Variants in SH3PXD2A observed in about 807,000 individuals in gnomAD.
SH3PXD2A encodes SH3 and PX domain-containing protein 2A.
In SH3PXD2A, 32 loss-of-function variants were observed where a neutral mutation model predicts 115.2. The observed-to-expected ratio is 0.28, with a 90% CI of 0.21 to 0.37. The LOEUF (loss-of-function observed/expected upper bound fraction) is 0.37, where lower values mean the gene tolerates loss of function less well. Among genes scored for constraint, SH3PXD2A ranks in the 10% least tolerant of loss-of-function variants. The pLI, the probability that SH3PXD2A is intolerant of heterozygous loss-of-function variation, is 1.00. For missense variants in SH3PXD2A, 1,328 were observed against 1,498.7 expected (o/e 0.89, Z 1.88); for synonymous variants, 610 against 629.1 (o/e 0.97, Z 0.45).
intron 1 of SH3PXD2A, among the ~76,000 whole-genome samples, chr10:103,845,543 T>C (rs1842839577): frequency 1.3e-5 from 2 of 152,094 alleles, no homozygotes; most frequent in Non-Finnish European, 2.9e-5. Flanking sequence ...AGAGGAAGCA[T>C]GAATAATACA....
At chr10:103,651,068 G>A (rs999956078) in intron 8 of SH3PXD2A, among the ~76,000 whole-genome samples, 9 of 152,198 alleles carry the variant, frequency 5.9e-5, no homozygotes, top group African/African-American at 1.7e-4. Context: ...GTAGGGGTGC[G>A]GAAGGAGAGA....
chr10:103,719,098 T>C (rs1385791547), intron 5 of SH3PXD2A, among the ~76,000 whole-genome samples: 1 of 152,226 alleles, frequency 6.6e-6, no homozygotes, highest in Non-Finnish European at 1.5e-5. Context: ...TCATAAGAAC[T>C]GTGAGAATTT....
At chr10:103,631,422 C>T (rs774202872) in intron 8 of SH3PXD2A, among the ~76,000 whole-genome samples, 8 of 152,122 alleles carry the variant, frequency 5.3e-5, no homozygotes, top group South Asian at 2.1e-4. Context: ...GTAATATTTT[C>T]GGACCACGGT....
chr10:103,839,665 C>T (rs188212491), intron 1 of SH3PXD2A, among the ~76,000 whole-genome samples: 173 of 151,970 alleles, frequency 1.1e-3, no homozygotes, highest in African/African-American at 4.0e-3. Flanking sequence ...AGTGGCAAGG[C>T]TGGGATTCCC....
intron 5 of SH3PXD2A, among the ~76,000 whole-genome samples, chr10:103,716,286 C>T (rs898844509): frequency 3.9e-5 from 6 of 152,186 alleles, no homozygotes; most frequent in African/African-American, 9.7e-5. Flanking sequence ...GGCAGGGACA[C>T]TGGGGGTGGA....
intron 8 of SH3PXD2A, among the ~76,000 whole-genome samples, chr10:103,644,210 T>C (rs999693178): frequency 6.6e-6 from 1 of 150,604 alleles, no homozygotes; most frequent in African/African-American, 2.4e-5. Context: ...CTGTTTCCTT[T>C]GAAAAATGGA....
At chr10:103,659,557 A>G (rs2037260973) in intron 8 of SH3PXD2A, among the ~76,000 whole-genome samples, 3 of 152,228 alleles carry the variant, frequency 2.0e-5, no homozygotes, top group Admixed American at 2.0e-4. Context: ...TGGCACCATG[A>G]GCATGACAAA....
At chr10:103,625,684 G>C (rs2036680489) in intron 9 of SH3PXD2A, among the ~76,000 whole-genome samples, 1 of 152,190 alleles carries the variant, frequency 6.6e-6, no homozygotes, top group Non-Finnish European at 1.5e-5. Flanking sequence ...TTGGGGCCAG[G>C]AGTTCAAGAC....
In SH3PXD2A at chr10:103,603,095, G is replaced by A. The variant is rs368378897; in HGVS notation, c.2123C>T (p.Ser708Phe). The A allele has an allele frequency of 1.9e-6, 3 of 1,613,100 alleles. No homozygotes were observed. Among genetic ancestry groups the A allele is most frequent in the East Asian group, 2.2e-5 (1 of 44,894 alleles). ...GCCACTGGTTTTGGACAAGGAAGAG[G>A]AGGAGGAGGAAGAGGAGGAGCAGCA... Reference protein sequence around the residue: ...TTCCSSSSSSSSSLSKTSGDL... With the variant: ...TTCCSSSSSSFSSLSKTSGDL... Residue 708 changes from serine (S) to phenylalanine (F), a missense_variant, in exon 15 of 15, where the codon TCC becomes TTC. Physicochemically the swap from Ser to Phe is radical, Grantham distance 155. This residue lies in a region of SH3PXD2A where 574 missense variants were observed against 565.7 expected (regional missense o/e 1.01). Transcript: ENST00000369774.
intron 8 of SH3PXD2A, among the ~76,000 whole-genome samples, chr10:103,645,683 A>G (rs1317260267): frequency 2.0e-5 from 3 of 152,122 alleles, no homozygotes; most frequent in Admixed American, 1.3e-4. Context: ...GCATCTCCCA[A>G]GCCCATTCAA....
chr10:103,608,310 C>T (rs997471444), intron 13 of SH3PXD2A, among the ~76,000 whole-genome samples: 1 of 150,176 alleles, frequency 6.7e-6, no homozygotes, highest in African/African-American at 2.4e-5. Flanking sequence ...GAGGCCCTGT[C>T]GGCACCCTGA....
intron 1 of SH3PXD2A, among the ~76,000 whole-genome samples, chr10:103,803,710 G>C (rs1392702749): frequency 6.6e-6 from 1 of 152,218 alleles, no homozygotes; most frequent in African/African-American, 2.4e-5. Context: ...GATCAGGACT[G>C]AATGACATTG....
chr10:103,707,039 C>T (rs2037989546), intron 5 of SH3PXD2A, among the ~76,000 whole-genome samples: 1 of 152,188 alleles, frequency 6.6e-6, no homozygotes, highest in Admixed American at 6.5e-5. Context: ...GCACTATTGC[C>T]TCACGTGTGT....
chr10:103,717,638 G>C (rs2038121246), intron 5 of SH3PXD2A, among the ~76,000 whole-genome samples: 1 of 152,218 alleles, frequency 6.6e-6, no homozygotes, highest in Non-Finnish European at 1.5e-5. Flanking sequence ...GGAATCTACA[G>C]ACAGAGTTCC....
chr10:103,711,009 A>T (rs1304825245), intron 5 of SH3PXD2A, among the ~76,000 whole-genome samples: 1 of 152,148 alleles, frequency 6.6e-6, no homozygotes, highest in Non-Finnish European at 1.5e-5. Flanking sequence ...GCACTCCAGG[A>T]CTGGGAGAGA....
rs1430150659 is a variant in SH3PXD2A, at chr10:103,612,943, T to C, written c.1168A>G (p.Ser390Gly). The change falls in exon 12 of 15, where the codon AGT becomes GGT. Residue 390 changes from serine to glycine, a missense_variant. Physicochemically the swap from Ser to Gly is moderately conservative, Grantham distance 56 (BLOSUM62 0). Coordinates refer to ENST00000369774, the MANE Select transcript of SH3PXD2A (RefSeq NM_001394015.1). ...GTCCTGTCAGGAACGCCCACGGCAC[T>C]GCCATTGGAGGCATTGCAGAGGATG... ...LPILCNASNGSAVGVPDRTVS... is the reference protein window; with the variant it reads ...LPILCNASNGGAVGVPDRTVS... The C allele has an allele frequency of 6.2e-7, 1 of 1,614,152 alleles. No homozygotes were observed. Among genetic ancestry groups the C allele is most frequent in the South Asian group, 1.1e-5 (1 of 91,074 alleles).
At chr10:103,820,273 C>T (rs757432317) in intron 1 of SH3PXD2A, among the ~76,000 whole-genome samples, 3 of 152,100 alleles carry the variant, frequency 2.0e-5, no homozygotes, top group Admixed American at 6.6e-5. Context: ...TCTCCCTGCC[C>T]CTTCCTTCCG....
intron 8 of SH3PXD2A, among the ~76,000 whole-genome samples, chr10:103,655,728 G>T (rs1287634880): frequency 1.5e-5 from 2 of 137,238 alleles, no homozygotes; most frequent in East Asian, 4.4e-4. Flanking sequence ...AGCCGAGATT[G>T]CACTACTGCA....
intron 9 of SH3PXD2A, among the ~76,000 whole-genome samples, chr10:103,623,550 C>T (rs1351765889): frequency 6.6e-6 from 1 of 151,892 alleles, no homozygotes; most frequent in Non-Finnish European, 1.5e-5. Flanking sequence ...GAAAATAAAA[C>T]CGTCCCAGAC....
Sources: gnomAD v4.1 joint callset for allele counts (sites outside exome capture counted in the v4.1 genomes callset) on GRCh38, gnomAD v4.1.1 for gene constraint, gnomAD v4.1.1 regional missense constraint, MANE v1.5 for transcripts, NCBI Gene and HGNC (gene_info 2026-07-23, HGNC 2026-07-21) for gene names.